FHIT: variants seen among roughly 807,000 people sequenced by gnomAD.
FHIT encodes the protein fragile histidine triad diadenosine triphosphatase, also known as bis(5'-adenosyl)-triphosphatase.
FHIT carries 19 observed loss-of-function variants against 17.9 expected under a neutral mutation model. The observed-to-expected ratio is 1.06, with a 90% CI of 0.74 to 1.56. FHIT has a LOEUF of 1.56. FHIT is among the 40% of genes most tolerant of loss of function. FHIT has a pLI of 0.00. For synonymous variants in FHIT, 81 were observed against 69.7 expected (o/e 1.16, Z -0.81); for missense variants, 248 against 189.2 (o/e 1.31, Z -1.82).
At chr3:60,128,247 A>C (rs891395379) in intron 5 of FHIT, among the ~76,000 whole-genome samples, 2 of 152,120 alleles carry the variant, frequency 1.3e-5, no homozygotes, top group Non-Finnish European at 2.9e-5. Flanking sequence ...ATGTGGTGGG[A>C]AAGACTTAGT....
intron 1 of FHIT, among the ~76,000 whole-genome samples, chr3:61,209,296 T>C (rs972320127): frequency 6.6e-6 from 1 of 152,232 alleles, no homozygotes; most frequent in African/African-American, 2.4e-5. Flanking sequence ...TGAAGTGTCT[T>C]GGAGTTGCTC....
chr3:60,499,698 A>AT (rs1184480792), intron 5 of FHIT, among the ~76,000 whole-genome samples: 2 of 152,070 alleles, frequency 1.3e-5, no homozygotes, highest in African/African-American at 4.8e-5. Context: ...TTTTTTAAAC[A>AT]TTATTGAGCA....
At chr3:60,439,451 C>G (rs1473334352) in intron 5 of FHIT, among the ~76,000 whole-genome samples, 3 of 152,198 alleles carry the variant, frequency 2.0e-5, no homozygotes, top group Admixed American at 6.5e-5. Context: ...AGGCAAGATT[C>G]TCTAGCAACA....
rs1050122208 is a variant in FHIT at position 59,904,349 on chromosome 3, G to C, written c.348+17997C>G. Among the ~76,000 whole-genome samples the C allele has an allele frequency of 2.6e-5, 4 of 151,450 alleles. 1 individual carries two copies. Among genetic ancestry groups the C allele is most frequent in the Admixed American group, 2.6e-4 (4 of 15,206 alleles). Reference sequence around the variant, plus strand: ...AAAAAAGGAAGGCAGGAAGGAGCGAGGGAAGGTGAAAAAGCAAATAGGAGA... The same window carrying C: ...AAAAAAGGAAGGCAGGAAGGAGCGACGGAAGGTGAAAAAGCAAATAGGAGA... On this transcript the variant is annotated intron_variant, in intron 8 of 9. Transcript: ENST00000492590.
intron 1 of FHIT, among the ~76,000 whole-genome samples, chr3:61,242,273 AT>A (rs1238697336): frequency 6.6e-6 from 1 of 152,050 alleles, no homozygotes; most frequent in Non-Finnish European, 1.5e-5. Flanking sequence ...AGAACAGCAG[AT>A]TCAGAAAAAA....
chr3:60,095,306 G>A (rs1703900122), intron 5 of FHIT, among the ~76,000 whole-genome samples: 1 of 152,174 alleles, frequency 6.6e-6, no homozygotes, highest in Non-Finnish European at 1.5e-5. Context: ...TTAAAGATCT[G>A]TAGAAAGTCT....
chr3:61,194,238 C>T (rs61390094), intron 2 of FHIT, among the ~76,000 whole-genome samples: 6,960 of 152,066 alleles, frequency 0.046, 515 homozygotes, highest in East Asian at 0.27. Flanking sequence ...TTTCTATGAC[C>T]CACCTTAGGG....
chr3:60,235,595 A>G (rs1038305767), intron 5 of FHIT, among the ~76,000 whole-genome samples: 2 of 152,146 alleles, frequency 1.3e-5, no homozygotes, highest in Non-Finnish European at 2.9e-5. Flanking sequence ...GAAACATTGT[A>G]TACAGACTCA....
intron 5 of FHIT, among the ~76,000 whole-genome samples, chr3:60,308,119 G>A: frequency 6.6e-6 from 1 of 152,080 alleles, no homozygotes; most frequent in Non-Finnish European, 1.5e-5. Context: ...ATAAATCCAT[G>A]CATTTATTAA....
chr3:60,569,820 C>T (rs1389048737), intron 4 of FHIT, among the ~76,000 whole-genome samples: 2 of 141,802 alleles, frequency 1.4e-5, no homozygotes, highest in Admixed American at 7.6e-5. Flanking sequence ...GGCACAATCT[C>T]GGCTCACTGC....
chr3:60,906,440 ACCTATCG>A (rs1553764567), intron 3 of FHIT, among the ~76,000 whole-genome samples: 1 of 152,170 alleles, frequency 6.6e-6, no homozygotes, highest in Non-Finnish European at 1.5e-5. Flanking sequence ...TATCTAATCT[ACCTATCG>A]CCTAGCGGCA....
chr3:59,948,021 TA>T (rs1449894686), intron 7 of FHIT, among the ~76,000 whole-genome samples: 1 of 152,190 alleles, frequency 6.6e-6, no homozygotes, highest in East Asian at 1.9e-4. Flanking sequence ...GGTATAGATG[TA>T]CCACTGTTTG....
chr3:60,730,105 G>A, intron 4 of FHIT: 1 of 513,612 alleles, frequency 1.9e-6, no homozygotes, highest in Non-Finnish European at 3.9e-6. Context: ...GTGTCCCAAT[G>A]TCATGGCAAT....
intron 3 of FHIT, among the ~76,000 whole-genome samples, chr3:60,918,770 C>A (rs1553767644): frequency 1.3e-5 from 2 of 152,190 alleles, no homozygotes; most frequent in Admixed American, 1.3e-4. Flanking sequence ...AAAGTTATAT[C>A]TCTTTCCATT....
chr3:59,954,427 C>T (rs113160912), intron 7 of FHIT, among the ~76,000 whole-genome samples: 19 of 152,190 alleles, frequency 1.2e-4, no homozygotes, highest in South Asian at 4.2e-4. Context: ...GAAAAAATCA[C>T]GGTCCCTGCT....
chr3:60,938,348 G>C (rs886298863), intron 3 of FHIT, among the ~76,000 whole-genome samples: 32 of 152,220 alleles, frequency 2.1e-4, no homozygotes, highest in African/African-American at 7.7e-4. Context: ...CACTTTACAT[G>C]GTCCCCTATA....
chr3:60,124,054 A>G (rs1231346880), intron 5 of FHIT, among the ~76,000 whole-genome samples: 4 of 120,270 alleles, frequency 3.3e-5, no homozygotes, highest in Non-Finnish European at 5.4e-5. Flanking sequence ...AGAGAGAGAG[A>G]GACAGAGAGA....
At chr3:60,298,463 T>C (rs139052879) in intron 5 of FHIT, among the ~76,000 whole-genome samples, 3 of 152,300 alleles carry the variant, frequency 2.0e-5, no homozygotes, top group Admixed American at 6.5e-5. Context: ...AGGCCAAATA[T>C]GTTTATTATA....
chr3:60,498,011 AG>A, intron 5 of FHIT, among the ~76,000 whole-genome samples: 1 of 152,344 alleles, frequency 6.6e-6, no homozygotes, highest in South Asian at 2.1e-4. Flanking sequence ...TCTCTGTCAC[AG>A]CTACTCATCT....
Sources: allele counts gnomAD v4.1 joint callset (sites outside exome capture counted in the v4.1 genomes callset), GRCh38; gene constraint gnomAD v4.1.1; transcripts MANE v1.5; gene names NCBI Gene and HGNC (gene_info 2026-07-23, HGNC 2026-07-21).